The following GRIP1 variants were observed in gnomAD, a reference collection of about 807,000 sequenced individuals.
The protein encoded by GRIP1 is glutamate receptor-interacting protein 1.
Under a neutral mutation model 129.9 loss-of-function variants are expected in GRIP1, and 45 were observed. That is an observed-to-expected ratio of 0.35 (90% CI 0.27 to 0.44). The LOEUF is 0.44. Ranked by LOEUF, GRIP1 falls within the 20% of genes least tolerant of loss-of-function variation. GRIP1 has a pLI of 1.00. For missense variants in GRIP1, 1,196 were observed against 1,396.8 expected (o/e 0.86, Z 2.29); for synonymous variants, 530 against 520.8 (o/e 1.02, Z -0.24).
chr12:66,363,193 G>C (rs1233613710), intron 23 of GRIP1, among the ~76,000 whole-genome samples: 5 of 52,708 alleles, frequency 9.5e-5, no homozygotes, highest in Non-Finnish European at 1.8e-4. Context: ...ATATGTGTGT[G>C]TGTGTCCATA....
At chr12:66,882,191 A>T (rs1311885820) in intron 1 of GRIP1, among the ~76,000 whole-genome samples, 1 of 135,252 alleles carries the variant, frequency 7.4e-6, no homozygotes, top group East Asian at 2.3e-4. Flanking sequence ...GCCCCATGTA[A>T]ACACATAGTG....
chr12:66,356,117 C>A (rs1249633269), intron 23 of GRIP1, among the ~76,000 whole-genome samples: 1 of 152,132 alleles, frequency 6.6e-6, no homozygotes, highest in African/African-American at 2.4e-5. Flanking sequence ...CTGAGGAGAC[C>A]CAGATTCCCG....
intron 1 of GRIP1, among the ~76,000 whole-genome samples, chr12:66,924,695 C>T (rs995147639): frequency 1.3e-5 from 2 of 152,104 alleles, no homozygotes; most frequent in African/African-American, 4.8e-5. Context: ...CGGCCAGGCA[C>T]GGTGGCTCAC....
chr12:66,616,969 C>G (rs11176324), intron 1 of GRIP1, among the ~76,000 whole-genome samples: 1 of 151,954 alleles, frequency 6.6e-6, no homozygotes, highest in African/African-American at 2.4e-5. Flanking sequence ...GGGCCTCGGG[C>G]GTGCAGATGC....
chr12:67,040,700 T>G (rs186154632), intron 1 of GRIP1, among the ~76,000 whole-genome samples: 3 of 152,232 alleles, frequency 2.0e-5, no homozygotes, highest in Non-Finnish European at 4.4e-5. Flanking sequence ...CTGACAGAGA[T>G]AATAAAAAAA....
intron 1 of GRIP1, among the ~76,000 whole-genome samples, chr12:66,857,279 C>T (rs1053682672): frequency 1.1e-4 from 16 of 151,768 alleles, no homozygotes; most frequent in African/African-American, 1.7e-4. Flanking sequence ...TGTTAAATGA[C>T]GACTATGGTA....
chr12:66,685,427 T>C (rs2034745685), intron 1 of GRIP1, among the ~76,000 whole-genome samples: 2 of 152,196 alleles, frequency 1.3e-5, no homozygotes, highest in South Asian at 4.1e-4. Context: ...ACCAACAATT[T>C]GCAGATAAAA....
At chr12:66,541,268 G>A (rs988689695) in intron 3 of GRIP1, among the ~76,000 whole-genome samples, 18 of 152,336 alleles carry the variant, frequency 1.2e-4, no homozygotes, top group Middle Eastern at 3.4e-3. Flanking sequence ...AAAGACAGGT[G>A]AGACCTCCTC....
intron 1 of GRIP1, among the ~76,000 whole-genome samples, chr12:66,693,480 C>G (rs1482521111): frequency 6.6e-6 from 1 of 152,142 alleles, no homozygotes; most frequent in East Asian, 1.9e-4. Flanking sequence ...CCTTCATTCA[C>G]TGTTATCTGC....
chr12:66,512,751 A>G (rs2060736639), intron 7 of GRIP1, among the ~76,000 whole-genome samples: 1 of 152,056 alleles, frequency 6.6e-6, no homozygotes, highest in South Asian at 2.1e-4. Context: ...AATATAATGC[A>G]ATGTTTACCT....
At chr12:66,904,418 G>C (rs1023241764) in intron 1 of GRIP1, among the ~76,000 whole-genome samples, 8 of 152,204 alleles carry the variant, frequency 5.3e-5, no homozygotes, top group African/African-American at 1.9e-4. Flanking sequence ...CAATTGATCT[G>C]AGAGTTGGCT....
chr12:66,521,850 T>A (rs1306472776), intron 5 of GRIP1, among the ~76,000 whole-genome samples: 1 of 152,170 alleles, frequency 6.6e-6, no homozygotes, highest in African/African-American at 2.4e-5. Context: ...CACCAGGAGA[T>A]TATATCCCGT....
At chr12:67,052,788 C>CGGAG (rs1227289935) in intron 1 of GRIP1, among the ~76,000 whole-genome samples, 1 of 123,630 alleles carries the variant, frequency 8.1e-6, no homozygotes, top group Non-Finnish European at 1.6e-5. Flanking sequence ...GAGGGAGGGA[C>CGGAG]GGAGGGAGGG....
intron 7 of GRIP1, among the ~76,000 whole-genome samples, chr12:66,486,019 T>C (rs2059945100): frequency 6.6e-6 from 1 of 152,066 alleles, no homozygotes; most frequent in Non-Finnish European, 1.5e-5. Flanking sequence ...ACTTCAGCTT[T>C]TTAATAGATC....
intron 1 of GRIP1, among the ~76,000 whole-genome samples, chr12:66,714,419 T>C (rs2035804796): frequency 6.6e-6 from 1 of 152,060 alleles, no homozygotes; most frequent in Non-Finnish European, 1.5e-5. Flanking sequence ...ATGATCAATG[T>C]CGTTGCCAGA....
chr12:66,991,467 T>C (rs1293950575), intron 1 of GRIP1, among the ~76,000 whole-genome samples: 4 of 152,014 alleles, frequency 2.6e-5, no homozygotes, highest in Non-Finnish European at 5.9e-5. Flanking sequence ...TATAGCTGAG[T>C]AAGGAAAAAT....
intron 1 of GRIP1, among the ~76,000 whole-genome samples, chr12:66,976,523 C>A (rs1001118400): frequency 1.3e-5 from 2 of 152,136 alleles, no homozygotes; most frequent in African/African-American, 2.4e-5. Flanking sequence ...TGCCTTGTTT[C>A]TCCAACTAAA....
At chr12:66,923,115 T>C (rs896499458) in intron 1 of GRIP1, among the ~76,000 whole-genome samples, 4 of 152,168 alleles carry the variant, frequency 2.6e-5, no homozygotes, top group Admixed American at 6.5e-5. Context: ...ACTAGTAGCT[T>C]GGGTTTACAA....
intron 1 of GRIP1, among the ~76,000 whole-genome samples, chr12:67,029,394 G>A (rs1309673419): frequency 2.0e-5 from 3 of 152,032 alleles, no homozygotes; most frequent in African/African-American, 4.8e-5. Flanking sequence ...GATTACAGGC[G>A]TGAGCCATTG....
Sources: gnomAD v4.1 joint callset for allele counts (sites outside exome capture counted in the v4.1 genomes callset) on GRCh38, gnomAD v4.1.1 for gene constraint, MANE v1.5 for transcripts, NCBI Gene and HGNC (gene_info 2026-07-23, HGNC 2026-07-21) for gene names.